MXRA5: variants seen among roughly 807,000 people sequenced by gnomAD.
The protein encoded by MXRA5 is matrix-remodeling-associated protein 5.
A neutral mutation model predicts 112.5 loss-of-function variants in MXRA5; 41 were observed. The ratio of observed to expected loss-of-function variants is 0.36; its 90% CI spans 0.28 to 0.47. The LOEUF (loss-of-function observed/expected upper bound fraction) is 0.47, where lower values mean the gene tolerates loss of function less well. Ranked by LOEUF, MXRA5 falls within the 20% of genes least tolerant of loss-of-function variation. The pLI, the probability that MXRA5 is intolerant of heterozygous loss-of-function variation, is 0.99. For synonymous variants in MXRA5, 862 were observed against 900.8 expected (o/e 0.96, Z 0.77); for missense variants, 2,150 against 2,251.0 (o/e 0.96, Z 0.91).
rs1921152463 is a variant in MXRA5 at position 3,316,971 on chromosome X, C to A, written c.6578+132G>T. 20 of 794,431 alleles carry A rather than the reference C, an allele frequency of 2.5e-5. No homozygotes were observed. The South Asian group carries it at 5.5e-4, about 22-fold the overall frequency. The allele number at this position is 794,431 out of a possible 1,213,427, so 65.5% of individuals were successfully genotyped here. ...GATTACAGGCGTGAGCCACCGTGCC[C>A]TGCTAATTAATTTCATTTAATTTTA... is the stretch of plus-strand genomic sequence containing the variant. On this transcript the variant is annotated intron_variant, in intron 6 of 6. Coordinates refer to ENST00000217939, the MANE Select transcript of MXRA5 (RefSeq NM_015419.4).
chrX:3,322,852 A>T lies in MXRA5; in HGVS notation c.2833T>A (p.Ser945Thr). The change falls in exon 5 of 7, where the codon TCT becomes ACT. Residue 945 changes from serine to threonine, a missense_variant. By Grantham distance (58) the Ser-to-Thr change is moderately conservative. Around this residue, in one of 6 missense-constraint regions of MXRA5, gnomAD observed 1,485 missense variants for 1,471.6 expected, o/e 1.01. Transcript: ENST00000217939. ...GGTGACGATCCAACATCTGCTGCAG[A>T]CCAACCCTCTGTTGCCGTCTCTTCA... ...THEETATEGW[S>T]AADVGSSPEP... The T allele has an allele frequency of 2.5e-6, 3 of 1,211,479 alleles. No homozygotes were observed. Among genetic ancestry groups the T allele is most frequent in the Non-Finnish European group, 3.4e-6 (3 of 895,479 alleles).
chrX:3,320,397 T>C lies in MXRA5; in HGVS notation c.5288A>G (p.Lys1763Arg). The part of the protein sequence containing the change: ...TSPAPVMRER[K>R]VIPGSYNRIH... ...CCTGTTGTAGGAACCTGGAATAACT[T>C]TTCTCTCTCTCATTACTGGGGCAGG... The change falls in exon 5 of 7, where the codon AAA becomes AGA. Residue 1763 changes from lysine (K) to arginine (R), a missense_variant. Around this residue, in one of 6 missense-constraint regions of MXRA5, gnomAD observed 1,485 missense variants for 1,471.6 expected, o/e 1.01. Coordinates refer to ENST00000217939, the MANE Select transcript of MXRA5 (RefSeq NM_015419.4). The C allele has an allele frequency of 8.3e-7, 1 of 1,211,491 alleles. No individual in the cohort carries two copies. The highest frequency in any genetic ancestry group is 1.1e-6 in the Non-Finnish European group (1 of 895,416).
chrX:3,317,819 G>A lies in MXRA5; in HGVS notation c.5862C>T (p.Ala1954=), dbSNP rs751652814. The A allele has an allele frequency of 8.3e-7, 1 of 1,211,416 alleles. No individual in the cohort carries two copies. Among genetic ancestry groups the A allele is most frequent in the South Asian group, 1.8e-5 (1 of 56,940 alleles). The part of the protein sequence containing the change: ...SVTVQQPQIL[A]SHYQDVTVYL... ...AGACAGTGACGTCCTGGTAGTGGGA[G>A]GCTAGGATTTGAGGTTGCTGCACGG... is the stretch of plus-strand genomic sequence containing the variant. Residue 1954 remains alanine (A), a synonymous_variant, in exon 6 of 7, where the codon GCC becomes GCT. Coordinates refer to ENST00000217939, the MANE Select transcript of MXRA5 (RefSeq NM_015419.4).
chrX:3,321,981 C>T lies in MXRA5; in HGVS notation c.3704G>A (p.Gly1235Glu). 8.3e-7 allele frequency: 1 copy of T among 1,211,396 alleles called. No individual in the cohort carries two copies. Among genetic ancestry groups the T allele is most frequent in the Non-Finnish European group, 1.1e-6 (1 of 895,463 alleles). ...ATATCGATGTTTGTTTGGCCTCTTCCCGTGTTTTCTCCGTGGTGTTCCCTT... is the reference window on the plus strand; with the variant it reads ...ATATCGATGTTTGTTTGGCCTCTTCTCGTGTTTTCTCCGTGGTGTTCCCTT... ...TSKGTPRRKH[G>E]KRPNKHRYTP... The change falls in exon 5 of 7, where the codon GGG becomes GAG. Residue 1235 changes from glycine to glutamate, a missense_variant. This residue lies in a region of MXRA5 where 1,485 missense variants were observed against 1,471.6 expected (regional missense o/e 1.01). Coordinates refer to ENST00000217939, the MANE Select transcript of MXRA5 (RefSeq NM_015419.4).
At chrX:3,312,593 T>C in intron 6 of MXRA5, among the ~76,000 whole-genome samples, 1 of 107,690 alleles carries the variant, frequency 9.3e-6, no homozygotes, top group Non-Finnish European at 1.9e-5. Flanking sequence ...ACTGAGATCT[T>C]GTTTGTCACC....
chrX:3,328,419 G>A (rs143243349), intron 4 of MXRA5, among the ~76,000 whole-genome samples: 1,441 of 111,886 alleles, frequency 0.013, 26 homozygotes, highest in African/African-American at 0.045. Context: ...CAGGTGGAGC[G>A]ACCATTGTGT....
chrX:3,342,020 A>C (rs12009057), intron 2 of MXRA5, among the ~76,000 whole-genome samples: 2,487 of 110,972 alleles, frequency 0.022, 83 homozygotes, highest in African/African-American at 0.077. Context: ...TATGCCCAAG[A>C]AAATGTGGTA....
At chrX:3,344,495 G>A (rs185125397) in intron 1 of MXRA5, among the ~76,000 whole-genome samples, 155 of 111,466 alleles carry the variant, frequency 1.4e-3, no homozygotes, top group African/African-American at 5.0e-3. Flanking sequence ...GTTAATCGGG[G>A]AGGAAGTTTG....
chrX:3,313,288 C>T (rs1477506992), intron 6 of MXRA5, among the ~76,000 whole-genome samples: 2 of 112,335 alleles, frequency 1.8e-5, no homozygotes, highest in East Asian at 5.6e-4. Context: ...GAGATGGAGT[C>T]TCGCTCTGTC....
rs1427069377 is a variant in MXRA5 at position 3,323,711 on chromosome X, C to T, written c.1974G>A (p.Gly658=). The change falls in exon 5 of 7, where the codon GGG becomes GGA. Residue 658 remains glycine (G), a synonymous_variant. Transcript: ENST00000217939. ...TGATTCCCACCGTAAAATGGTCTGC[C>T]CCTTGCTGGTTGACAGCCACACATC... ...YYRCVAVNQQ[G]ADHFTVGITV... is the part of the protein sequence containing the mutation. 1 of 1,211,145 alleles carries T rather than the reference C, an allele frequency of 8.3e-7. No individual in the cohort carries two copies. Among genetic ancestry groups the T allele is most frequent in the Non-Finnish European group, 1.1e-6 (1 of 895,102 alleles).
At chrX:3,315,391 T>TAGATGATA (rs1555943433) in intron 6 of MXRA5, among the ~76,000 whole-genome samples, 1 of 56,708 alleles carries the variant, frequency 1.8e-5, no homozygotes, top group African/African-American at 8.2e-5. Flanking sequence ...GATAGATAGA[T>TAGATGATA]GATAGATAGA....
intron 4 of MXRA5, among the ~76,000 whole-genome samples, chrX:3,326,833 C>T (rs1320458271): frequency 9.0e-6 from 1 of 110,822 alleles, no homozygotes; most frequent in South Asian, 3.8e-4. Flanking sequence ...TGGCCTCTCG[C>T]ATATGTGTGG....
intron 4 of MXRA5, among the ~76,000 whole-genome samples, chrX:3,328,817 G>A (rs1372831493): frequency 9.7e-6 from 1 of 103,483 alleles, no homozygotes; most frequent in African/African-American, 3.5e-5. Context: ...ATGGAGGAAG[G>A]AAGAGAGGGA....
intron 2 of MXRA5, among the ~76,000 whole-genome samples, chrX:3,336,843 C>T (rs1355437286): frequency 1.8e-5 from 2 of 111,593 alleles, no homozygotes; most frequent in Middle Eastern, 4.6e-3. Context: ...GTTTGAACTT[C>T]GCTCAATATG....
Position 3,317,557 on chromosome X carries a change from C to A in MXRA5, c.6124G>T (p.Val2042Leu). 1.7e-6 allele frequency: 2 copies of A among 1,210,006 alleles called. No homozygotes were observed. Among genetic ancestry groups the A allele is most frequent in the Non-Finnish European group, 2.2e-6 (2 of 894,996 alleles). Residue 2042 changes from valine to leucine, a missense_variant, in exon 6 of 7, where the codon GTG becomes TTG. Val to Leu is a conservative substitution (Grantham distance 32, BLOSUM62 1). Coordinates refer to ENST00000217939, the MANE Select transcript of MXRA5 (RefSeq NM_015419.4). ...GADSLAIRLH[V>L]AALPPVIHQE... Reference sequence around the variant, plus strand: ...TGGATAACGGGGGGCAGTGCCGCCACGTGCAGGCGGATGGCCAGGCTGTCC... The same window carrying A: ...TGGATAACGGGGGGCAGTGCCGCCAAGTGCAGGCGGATGGCCAGGCTGTCC...
In MXRA5 at chrX:3,320,546, T is replaced by G; in HGVS notation, c.5139A>C (p.Pro1713=). 1 of 1,211,923 alleles carries G rather than the reference T, an allele frequency of 8.3e-7. No individual in the cohort carries two copies. The highest frequency in any genetic ancestry group is 1.8e-5 in the South Asian group (1 of 56,982). Residue 1713 remains proline (P), a synonymous_variant, in exon 5 of 7, where the codon CCA becomes CCC. Transcript: ENST00000217939. ...TTCTTGGACTGGGAGGCTTTCCAACTGGGTTTCTTGCCTCAGGGATGTTGT... is the reference window on the plus strand; with the variant it reads ...TTCTTGGACTGGGAGGCTTTCCAACGGGGTTTCTTGCCTCAGGGATGTTGT... ...GNNNIPEARN[P]VGKPPSPRIP...
At chrX:3,318,458 T>C (rs1921211111) in intron 5 of MXRA5, among the ~76,000 whole-genome samples, 1 of 112,192 alleles carries the variant, frequency 8.9e-6, no homozygotes, top group Admixed American at 9.5e-5. Context: ...GTTTTGGTCC[T>C]AACCATGAAA....
intron 4 of MXRA5, among the ~76,000 whole-genome samples, chrX:3,326,625 C>T (rs1486139523): frequency 9.2e-6 from 1 of 109,033 alleles, no homozygotes; most frequent in Non-Finnish European, 1.9e-5. Context: ...AAACACTTCA[C>T]AGAGTGTTTG....
At chrX:3,341,693 T>C (rs1921990002) in intron 2 of MXRA5, among the ~76,000 whole-genome samples, 1 of 82,541 alleles carries the variant, frequency 1.2e-5, no homozygotes, top group Non-Finnish European at 2.3e-5. Context: ...ATTATAAAGA[T>C]AATATATATA....
Sources: gnomAD v4.1 joint callset for allele counts (sites outside exome capture counted in the v4.1 genomes callset) on GRCh38, gnomAD v4.1.1 for gene constraint, gnomAD v4.1.1 regional missense constraint, MANE v1.5 for transcripts, NCBI Gene and HGNC (gene_info 2026-07-23, HGNC 2026-07-21) for gene names.